Variants in PAK5 observed in about 807,000 individuals in gnomAD.
The protein encoded by PAK5 is p21 (RAC1) activated kinase 5.
A neutral mutation model predicts 65.9 loss-of-function variants in PAK5; 16 were observed. The observed-to-expected ratio is 0.24, with a 90% CI of 0.16 to 0.37. The LOEUF is 0.37. Among genes scored for constraint, PAK5 ranks in the 10% least tolerant of loss-of-function variants. The probability of loss-of-function intolerance (pLI) is 1.00; values close to 1 mark genes in which losing one functional copy is unlikely to be tolerated. For synonymous variants in PAK5, 371 were observed against 354.9 expected, an observed-to-expected ratio of 1.05 and a Z score of -0.51; for missense variants, 785 against 903.9, an observed-to-expected ratio of 0.87 and a Z score of 1.69.
At chr20:9,650,839 G>A (rs1232863642) in intron 2 of PAK5, among the ~76,000 whole-genome samples, 1 of 152,082 alleles carries the variant, frequency 6.6e-6, no homozygotes, top group Admixed American at 6.6e-5. Flanking sequence ...CCATTAAAAG[G>A]GGCCAAAGTC....
intron 3 of PAK5, among the ~76,000 whole-genome samples, chr20:9,643,521 A>T (rs1348807752): frequency 6.6e-6 from 1 of 152,210 alleles, no homozygotes; most frequent in African/African-American, 2.4e-5. Context: ...CTTTTATTTG[A>T]AATAGCTCTC....
chr20:9,613,580 G>A (rs550095911), intron 3 of PAK5, among the ~76,000 whole-genome samples: 3 of 152,302 alleles, frequency 2.0e-5, no homozygotes, highest in Admixed American at 6.5e-5. Flanking sequence ...CAGGAGGAGG[G>A]AAAAAGAAAC....
chr20:9,694,464 A>C (rs73895945), intron 2 of PAK5, among the ~76,000 whole-genome samples: 1,888 of 152,070 alleles, frequency 0.012, 46 homozygotes, highest in African/African-American at 0.043. Context: ...AAAAGGGTAC[A>C]GCTTAACGAC....
At chr20:9,696,014 G>A (rs573192666) in intron 2 of PAK5, among the ~76,000 whole-genome samples, 3 of 151,874 alleles carry the variant, frequency 2.0e-5, no homozygotes, top group Non-Finnish European at 2.9e-5. Flanking sequence ...TTTATTTAAC[G>A]TAAGATATCC....
At chr20:9,836,493 G>T (rs1184332468) in intron 1 of PAK5, among the ~76,000 whole-genome samples, 1 of 152,204 alleles carries the variant, frequency 6.6e-6, no homozygotes, top group African/African-American at 2.4e-5. Flanking sequence ...ACCAGGGAAT[G>T]CCTGGGGCTA....
intron 2 of PAK5, among the ~76,000 whole-genome samples, chr20:9,696,726 C>T (rs2047874947): frequency 6.6e-6 from 1 of 152,072 alleles, no homozygotes; most frequent in African/African-American, 2.4e-5. Flanking sequence ...CCACTTTCAT[C>T]TTATTAGCTC....
At chr20:9,674,517 G>A (rs1184565415) in intron 2 of PAK5, among the ~76,000 whole-genome samples, 2 of 152,116 alleles carry the variant, frequency 1.3e-5, no homozygotes, top group Non-Finnish European at 2.9e-5. Context: ...TTTGACATTG[G>A]AATCTTAACT....
At chr20:9,605,358 T>C (rs191494190) in intron 3 of PAK5, among the ~76,000 whole-genome samples, 2 of 152,256 alleles carry the variant, frequency 1.3e-5, no homozygotes, top group East Asian at 3.9e-4. Flanking sequence ...CTCAGGTGTG[T>C]TCAGGGGATA....
chr20:9,825,916 T>C (rs2049478382), intron 1 of PAK5, among the ~76,000 whole-genome samples: 1 of 152,232 alleles, frequency 6.6e-6, no homozygotes, highest in African/African-American at 2.4e-5. Context: ...GGTTATAATT[T>C]GAATTATATT....
intron 2 of PAK5, among the ~76,000 whole-genome samples, chr20:9,677,336 G>C (rs2047588860): frequency 6.6e-6 from 1 of 152,112 alleles, no homozygotes; most frequent in Non-Finnish European, 1.5e-5. Context: ...GTCCTTACTA[G>C]AGGGAGTAGA....
At chr20:9,785,072 A>G (rs1485887363) in intron 1 of PAK5, among the ~76,000 whole-genome samples, 1 of 152,136 alleles carries the variant, frequency 6.6e-6, no homozygotes, top group African/African-American at 2.4e-5. Flanking sequence ...AAGCCAAGAT[A>G]CAAGTTTTAA....
At chr20:9,684,042 T>C (rs1183217707) in intron 2 of PAK5, among the ~76,000 whole-genome samples, 1 of 152,146 alleles carries the variant, frequency 6.6e-6, no homozygotes, top group East Asian at 1.9e-4. Context: ...TGATGGAGCA[T>C]GTGGAAGAAG....
At chr20:9,802,384 A>G (rs530744264) in intron 1 of PAK5, among the ~76,000 whole-genome samples, 1 of 152,248 alleles carries the variant, frequency 6.6e-6, no homozygotes, top group African/African-American at 2.4e-5. Context: ...GGGCATATGA[A>G]CAATGATAAA....
intron 1 of PAK5, among the ~76,000 whole-genome samples, chr20:9,722,529 A>G (rs567469422): frequency 5.8e-4 from 88 of 151,622 alleles, no homozygotes; most frequent in African/African-American, 1.7e-3. Context: ...GGAGAATGGC[A>G]TGAACCCGGG....
At chr20:9,692,958 A>G (rs2123438188) in intron 2 of PAK5, among the ~76,000 whole-genome samples, 1 of 152,092 alleles carries the variant, frequency 6.6e-6, no homozygotes, top group African/African-American at 2.4e-5. Context: ...TGAGTTTACT[A>G]AAAGAATTAA....
intron 2 of PAK5, among the ~76,000 whole-genome samples, chr20:9,673,400 A>G (rs1193347436): frequency 6.6e-6 from 1 of 152,226 alleles, no homozygotes; most frequent in African/African-American, 2.4e-5. Context: ...GTATCTGTCA[A>G]TAGAGTAGCC....
At chr20:9,611,637 A>G (rs1302070543) in intron 3 of PAK5, among the ~76,000 whole-genome samples, 2 of 152,212 alleles carry the variant, frequency 1.3e-5, no homozygotes, top group Non-Finnish European at 2.9e-5. Flanking sequence ...GCACGTGCTA[A>G]TAAACTTCAG....
At chr20:9,682,826 C>A (rs1259231213) in intron 2 of PAK5, among the ~76,000 whole-genome samples, 1 of 152,154 alleles carries the variant, frequency 6.6e-6, no homozygotes, top group Non-Finnish European at 1.5e-5. Context: ...TTGTACAGCT[C>A]CTCATCCATT....
intron 2 of PAK5, among the ~76,000 whole-genome samples, chr20:9,646,804 AG>A (rs1414923613): frequency 1.3e-5 from 2 of 152,224 alleles, no homozygotes; most frequent in African/African-American, 4.8e-5. Flanking sequence ...AAACAAAGCC[AG>A]CCTATCCTGC....
Sources: gnomAD v4.1 joint callset for allele counts (sites outside exome capture counted in the v4.1 genomes callset) on GRCh38, gnomAD v4.1.1 for gene constraint, MANE v1.5 for transcripts, NCBI Gene and HGNC (gene_info 2026-07-23, HGNC 2026-07-21) for gene names.